Variants in PPARGC1A observed in about 807,000 individuals in gnomAD.
PPARGC1A encodes the protein PPARG coactivator 1 alpha.
Under a neutral mutation model 88.7 loss-of-function variants are expected in PPARGC1A, and 25 were observed. The ratio of observed to expected loss-of-function variants is 0.28; its 90% CI spans 0.21 to 0.39. The LOEUF (loss-of-function observed/expected upper bound fraction) is 0.39, where lower values mean the gene tolerates loss of function less well. PPARGC1A is among the 10% of genes least tolerant of loss of function. The pLI, the probability that PPARGC1A is intolerant of heterozygous loss-of-function variation, is 1.00. For missense variants in PPARGC1A, 880 were observed against 968.7 expected, an observed-to-expected ratio of 0.91 and a Z score of 1.22; for synonymous variants, 363 against 355.6, an observed-to-expected ratio of 1.02 and a Z score of -0.24.
the PPARGC1A span, among the ~76,000 whole-genome samples, chr4:24,378,101 C>A: frequency 6.6e-6 from 1 of 152,264 alleles, no homozygotes; most frequent in Non-Finnish European, 1.5e-5. Flanking sequence ...CTTTGGGAGG[C>A]TGAGGTGGGT....
chr4:24,404,510 C>T, the PPARGC1A span, among the ~76,000 whole-genome samples: 17 of 151,926 alleles, frequency 1.1e-4, no homozygotes, highest in Admixed American at 8.5e-4. Context: ...AGCTGATAAG[C>T]GAAGGCATGG....
the PPARGC1A span, among the ~76,000 whole-genome samples, chr4:24,187,126 T>C: frequency 1.3e-5 from 2 of 152,328 alleles, no homozygotes; most frequent in African/African-American, 2.4e-5. Context: ...TTGGTGTCAC[T>C]TGGCATCTGC....
chr4:24,180,562 G>A, the PPARGC1A span, among the ~76,000 whole-genome samples: 84 of 152,162 alleles, frequency 5.5e-4, no homozygotes, highest in Non-Finnish European at 1.0e-3. Flanking sequence ...CAATTTTATC[G>A]GTCACTTACT....
At chr4:23,950,753 A>T in the PPARGC1A span, among the ~76,000 whole-genome samples, 1 of 152,062 alleles carries the variant, frequency 6.6e-6, no homozygotes, top group East Asian at 1.9e-4. Context: ...TCTTCCTTAC[A>T]CTTCATGTAA....
the PPARGC1A span, among the ~76,000 whole-genome samples, chr4:24,193,665 T>C: frequency 6.6e-6 from 1 of 152,154 alleles, no homozygotes; most frequent in Non-Finnish European, 1.5e-5. Flanking sequence ...GTATCCCAAC[T>C]CCTGGCCAAG....
chr4:24,092,584 A>C, the PPARGC1A span, among the ~76,000 whole-genome samples: 15 of 152,124 alleles, frequency 9.9e-5, no homozygotes, highest in Non-Finnish European at 1.9e-4. Context: ...TAATACGGTA[A>C]ATTCACTACC....
intron 1 of PPARGC1A, among the ~76,000 whole-genome samples, chr4:23,898,462 A>C (rs1718871642): frequency 6.6e-6 from 1 of 152,226 alleles, no homozygotes; most frequent in African/African-American, 2.4e-5. Context: ...GGGAGCACTG[A>C]CAACATAGGA....
At chr4:24,397,502 G>T in the PPARGC1A span, among the ~76,000 whole-genome samples, 1 of 152,150 alleles carries the variant, frequency 6.6e-6, no homozygotes, top group Non-Finnish European at 1.5e-5. Context: ...CTGTAAATGT[G>T]TTCCATCCTA....
chr4:24,234,977 C>A, the PPARGC1A span, among the ~76,000 whole-genome samples: 1 of 152,150 alleles, frequency 6.6e-6, no homozygotes, highest in Non-Finnish European at 1.5e-5. Context: ...AACTCCACAC[C>A]ACAAATTTTT....
the PPARGC1A span, among the ~76,000 whole-genome samples, chr4:24,357,518 A>C: frequency 1.3e-5 from 2 of 152,182 alleles, no homozygotes; most frequent in African/African-American, 4.8e-5. Flanking sequence ...CACTTGCTAA[A>C]ATAGTCTGGG....
the PPARGC1A span, among the ~76,000 whole-genome samples, chr4:24,177,698 C>T: frequency 6.8e-6 from 1 of 148,054 alleles, no homozygotes; most frequent in Admixed American, 6.7e-5. Context: ...AAAAGAATCT[C>T]GGACTTCTTA....
chr4:23,940,502 C>T, the PPARGC1A span, among the ~76,000 whole-genome samples: 1 of 152,192 alleles, frequency 6.6e-6, no homozygotes, highest in Non-Finnish European at 1.5e-5. Flanking sequence ...CATTTGAAAA[C>T]ATTTTATAGA....
At chr4:24,133,025 G>T in the PPARGC1A span, among the ~76,000 whole-genome samples, 785 of 152,044 alleles carry the variant, frequency 5.2e-3, 13 homozygotes, top group African/African-American at 0.018. Context: ...AGACTTTTTG[G>T]TCTAAAAGCA....
At chr4:24,056,033 T>A in the PPARGC1A span, among the ~76,000 whole-genome samples, 1 of 152,152 alleles carries the variant, frequency 6.6e-6, no homozygotes, top group African/African-American at 2.4e-5. Flanking sequence ...ACAGATGTTA[T>A]AAAAAAGGTA....
the PPARGC1A span, among the ~76,000 whole-genome samples, chr4:24,448,493 C>G: frequency 6.6e-6 from 1 of 152,156 alleles, no homozygotes; most frequent in Non-Finnish European, 1.5e-5. Context: ...CAGGCCATGT[C>G]CCTCCCATGC....
chr4:23,795,972 C>CA (rs755151347), intron 12 of PPARGC1A, 47 bp from the exon 13 acceptor site: 127 of 1,281,914 alleles, frequency 9.9e-5, no homozygotes, highest in Non-Finnish European at 1.4e-4. Context: ...TGCTGATGGC[C>CA]ATTAACTCAA....
chr4:24,163,000 A>T, the PPARGC1A span, among the ~76,000 whole-genome samples: 1 of 151,926 alleles, frequency 6.6e-6, no homozygotes, highest in Non-Finnish European at 1.5e-5. Context: ...AACAAACACC[A>T]AGTATTTTTT....
chr4:24,325,499 C>A, the PPARGC1A span, among the ~76,000 whole-genome samples: 10 of 152,278 alleles, frequency 6.6e-5, no homozygotes, highest in African/African-American at 2.4e-4. Flanking sequence ...TGTCAGAAAT[C>A]TGACCACCAG....
At chr4:23,952,840 C>G in the PPARGC1A span, among the ~76,000 whole-genome samples, 1 of 152,032 alleles carries the variant, frequency 6.6e-6, no homozygotes, top group African/African-American at 2.4e-5. Flanking sequence ...TATTTGTTCT[C>G]TTTACATGGA....
Sources: gnomAD v4.1 joint callset for allele counts (sites outside exome capture counted in the v4.1 genomes callset) on GRCh38, gnomAD v4.1.1 for gene constraint, MANE v1.5 for transcripts, NCBI Gene and HGNC (gene_info 2026-07-23, HGNC 2026-07-21) for gene names.